Variants in CNTNAP3B observed in about 807,000 individuals in gnomAD.
The protein encoded by CNTNAP3B is contactin associated protein family member 3B.
A neutral mutation model predicts 108.9 loss-of-function variants in CNTNAP3B; 25 were observed. The ratio of observed to expected loss-of-function variants is 0.23; its 90% CI spans 0.17 to 0.32. The LOEUF is 0.32. CNTNAP3B is among the 10% of genes least tolerant of loss of function. The probability of loss-of-function intolerance (pLI) is 1.00; values close to 1 mark genes in which losing one functional copy is unlikely to be tolerated. For missense variants in CNTNAP3B, 252 were observed against 1,210.4 expected (o/e 0.21, Z 11.75); for synonymous variants, 103 against 473.4 (o/e 0.22, Z 10.16).
At chr9:42,126,338 G>GA (rs1456371581) in intron 1 of CNTNAP3B, among the ~76,000 whole-genome samples, 1 of 130,058 alleles carries the variant, frequency 7.7e-6, no homozygotes, top group Non-Finnish European at 1.6e-5. Flanking sequence ...GTATCCCTGG[G>GA]ATCAGTGCCC....
rs1824749680 is a variant in CNTNAP3B at position 41,953,221 on chromosome 9, G to C, written c.2042C>G (p.Ala681Gly). The change falls in exon 13 of 24, where the codon GCT (alanine) becomes GGT (glycine). Residue 681 changes from alanine to glycine, a missense_variant. Transcript: ENST00000377561. ...GCGCCGCGCTGTCCCGCAGCGCAGAGCCAGCCGCTGCTCGCAGCGCTCCGC... is the reference window on the plus strand; with the variant it reads ...GCGCCGCGCTGTCCCGCAGCGCAGACCCAGCCGCTGCTCGCAGCGCTCCGC... Reference protein sequence around the residue: ...NLAERCEQRLALRCGTARRPD... With the variant: ...NLAERCEQRLGLRCGTARRPD... The C allele has an allele frequency of 1.3e-6, 2 of 1,530,430 alleles. No homozygotes were observed. The highest frequency in any genetic ancestry group is 5.0e-5 in the East Asian group (2 of 39,702). The allele number at this position is 1,530,430 out of a possible 1,614,324, so 94.8% of individuals were successfully genotyped here. A position where few individuals can be genotyped will look rare whatever the true frequency, so the allele number is the denominator to read the frequency against.
chr9:42,063,361 T>C (rs1827208692), intron 3 of CNTNAP3B, among the ~76,000 whole-genome samples: 1 of 135,542 alleles, frequency 7.4e-6, no homozygotes, highest in African/African-American at 3.0e-5. Flanking sequence ...TTTCAGCACT[T>C]GAATATATCA....
At chr9:41,921,192 T>C (rs1401898909) in intron 17 of CNTNAP3B, among the ~76,000 whole-genome samples, 1 of 152,306 alleles carries the variant, frequency 6.6e-6, no homozygotes, top group South Asian at 2.1e-4. Context: ...GAATGCTGAT[T>C]CTAGGTGAAT....
In CNTNAP3B at chr9:42,063,762, G is replaced by A. The variant is rs1263375249; in HGVS notation, c.390+13107C>T. Among the ~76,000 whole-genome samples the A allele has an allele frequency of 3.6e-5, 5 of 140,406 alleles. No homozygotes were observed. In the South Asian group the frequency reaches 9.1e-4, roughly 26 times the overall value. The allele number at this position is 140,406 out of a possible 152,430, so 92.1% of individuals were successfully genotyped here. The stretch of plus-strand genomic sequence containing the variant: ...TTTACAATAAAAACTGGATCTATTA[G>A]CCAGGCTGGAGTGCAATAGCATGAT... On this transcript the variant is annotated intron_variant, in intron 3 of 23. Coordinates refer to ENST00000377561, the MANE Select transcript of CNTNAP3B (RefSeq NM_001201380.3).
At position 42,053,938 on chromosome 9, in the gene CNTNAP3B, T is replaced by C. The variant is rs1450991991; in HGVS notation, c.390+22931A>G. Among the ~76,000 whole-genome samples, 163 of 151,248 alleles carry C rather than the reference T, an allele frequency of 1.1e-3. 1 individual carries two copies. The highest frequency in any genetic ancestry group is 3.9e-3 in the African/African-American group (158 of 40,698). ...CCATGGCAGACTTGTATTGATGCAT[T>C]TTCCCCTTCCAAATGGATCCCCTGT... On this transcript the variant is annotated intron_variant, in intron 3 of 23. Coordinates refer to ENST00000377561, the MANE Select transcript of CNTNAP3B (RefSeq NM_001201380.3).
At chr9:42,066,434 T>A in intron 3 of CNTNAP3B, among the ~76,000 whole-genome samples, 1 of 103,962 alleles carries the variant, frequency 9.6e-6, no homozygotes, top group African/African-American at 3.7e-5. Flanking sequence ...TTTTTTTTTT[T>A]TTTTTTTTTG....
At chr9:41,945,931 G>T (rs1167086123) in intron 13 of CNTNAP3B, among the ~76,000 whole-genome samples, 1 of 152,184 alleles carries the variant, frequency 6.6e-6, no homozygotes, top group Non-Finnish European at 1.5e-5. Context: ...GAAAGACAGA[G>T]TATCTAAATT....
At chr9:41,932,402 A>G (rs1343153362) in intron 14 of CNTNAP3B, among the ~76,000 whole-genome samples, 2 of 151,950 alleles carry the variant, frequency 1.3e-5, no homozygotes, top group Non-Finnish European at 2.9e-5. Context: ...TCTAAAAGCT[A>G]CTACTTATTA....
intron 14 of CNTNAP3B, among the ~76,000 whole-genome samples, chr9:41,934,122 T>TATACAC (rs1214326050): frequency 1.4e-5 from 1 of 73,474 alleles, no homozygotes; most frequent in African/African-American, 5.9e-5. Context: ...TATATATATA[T>TATACAC]ACACACACAT....
At chr9:42,012,794 C>T (rs1239929661) in intron 4 of CNTNAP3B, among the ~76,000 whole-genome samples, 1 of 92,420 alleles carries the variant, frequency 1.1e-5, no homozygotes. Context: ...AATCTCACGG[C>T]CGGCTTTTTG....
rs1180043191 is a variant in CNTNAP3B, at chr9:42,111,832, A to T, written c.86-7093T>A. ...CTCACTGTAGGTCCTCATGTTAACGACCTAACTAATCCTTACAGCCAATGT... is the reference window on the plus strand; with the variant it reads ...CTCACTGTAGGTCCTCATGTTAACGTCCTAACTAATCCTTACAGCCAATGT... On this transcript the variant is annotated intron_variant, in intron 1 of 23. Coordinates refer to ENST00000377561, the MANE Select transcript of CNTNAP3B (RefSeq NM_001201380.3). 2.9e-5 allele frequency among the ~76,000 whole-genome samples: 4 copies of T among 137,834 alleles called. 1 individual carries two copies. The highest frequency in any genetic ancestry group is 6.2e-5 in the Non-Finnish European group (4 of 64,630). 90.4% of individuals were successfully genotyped at this position (137,834 alleles called of 152,430 possible). A position where few individuals can be genotyped will look rare whatever the true frequency, so the allele number is the denominator to read the frequency against.
At chr9:41,941,785 A>G (rs1167894762) in intron 13 of CNTNAP3B, among the ~76,000 whole-genome samples, 4 of 150,322 alleles carry the variant, frequency 2.7e-5, no homozygotes, top group Non-Finnish European at 5.9e-5. Flanking sequence ...ATGGATACTG[A>G]GCAAGGACAA....
At chr9:41,943,464 T>C (rs1172647051) in intron 13 of CNTNAP3B, among the ~76,000 whole-genome samples, 2 of 151,456 alleles carry the variant, frequency 1.3e-5, no homozygotes, top group East Asian at 3.9e-4. Context: ...GCCATTCTCC[T>C]GCCTCAGCCT....
rs1371880155 is a variant in CNTNAP3B, at chr9:42,044,081, C to T, written c.391-30556G>A. ...ACCCACCTATCAGTCACTTAAGTAGCCCTCTGGGTTATCAGGTGGGTTGTC... is the reference window on the plus strand; with the variant it reads ...ACCCACCTATCAGTCACTTAAGTAGTCCTCTGGGTTATCAGGTGGGTTGTC... On this transcript the variant is annotated intron_variant, in intron 3 of 23. Transcript: ENST00000377561. 2.0e-4 allele frequency among the ~76,000 whole-genome samples: 25 copies of T among 123,700 alleles called. No homozygotes were observed. The South Asian group carries it at 3.1e-3, about 16-fold the overall frequency. 81.2% of individuals were successfully genotyped at this position (123,700 alleles called of 152,430 possible). A position where few individuals can be genotyped will look rare whatever the true frequency, so the allele number is the denominator to read the frequency against.
intron 3 of CNTNAP3B, among the ~76,000 whole-genome samples, chr9:42,027,803 C>T (rs1178143832): frequency 8.3e-6 from 1 of 119,960 alleles, no homozygotes; most frequent in Non-Finnish European, 1.7e-5. Context: ...ATCAAATAGA[C>T]TAAGAAATTA....
chr9:41,917,950 C>T (rs1439080497), intron 18 of CNTNAP3B, among the ~76,000 whole-genome samples: 3 of 152,312 alleles, frequency 2.0e-5, no homozygotes, highest in Non-Finnish European at 4.4e-5. Context: ...GCTTAAATGC[C>T]TCAAACTCTC....
intron 12 of CNTNAP3B, among the ~76,000 whole-genome samples, chr9:41,955,757 G>A (rs149109697): frequency 0.022 from 3,339 of 151,370 alleles, no homozygotes; most frequent in South Asian, 0.045. Flanking sequence ...ACTGTAACAC[G>A]TTGATCCCTG....
Position 42,033,114 on chromosome 9 carries a change from G to A in CNTNAP3B, c.391-19589C>T, listed in dbSNP as rs1028497636. ...AAAAAAGACAAAAACTAAGTACTGT[G>A]TCTATAAAAACAAATATCAAAATCT... On this transcript the variant is annotated intron_variant, in intron 3 of 23. Transcript: ENST00000377561. 1.9e-4 allele frequency among the ~76,000 whole-genome samples: 26 copies of A among 137,878 alleles called. 2 individuals carry two copies. Among genetic ancestry groups the A allele is most frequent in the African/African-American group, 7.4e-4 (26 of 34,978 alleles). 90.5% of individuals were successfully genotyped at this position (137,878 alleles called of 152,430 possible). A position where few individuals can be genotyped will look rare whatever the true frequency, so the allele number is the denominator to read the frequency against.
chr9:42,075,587 T>C (rs1827470144), intron 3 of CNTNAP3B, among the ~76,000 whole-genome samples: 1 of 121,188 alleles, frequency 8.3e-6, no homozygotes, highest in Non-Finnish European at 1.7e-5. Context: ...GACATTGCCT[T>C]GGCTATGGTT....
Sources: allele counts gnomAD v4.1 joint callset (sites outside exome capture counted in the v4.1 genomes callset), GRCh38; gene constraint gnomAD v4.1.1; transcripts MANE v1.5; gene names NCBI Gene and HGNC (gene_info 2026-07-23, HGNC 2026-07-21).